The following ZNF385D variants were observed in gnomAD, a reference collection of about 807,000 sequenced individuals.
The protein encoded by ZNF385D is zinc finger protein 385D.
Under a neutral mutation model 35.8 loss-of-function variants are expected in ZNF385D, and 15 were observed. The ratio of observed to expected loss-of-function variants is 0.42; its 90% CI spans 0.28 to 0.64. The LOEUF (loss-of-function observed/expected upper bound fraction) is 0.64. ZNF385D is among the 30% of genes least tolerant of loss of function. The probability of loss-of-function intolerance (pLI) is 0.23; values close to 1 mark genes in which losing one functional copy is unlikely to be tolerated. For synonymous variants in ZNF385D, 212 were observed against 186.8 expected (o/e 1.13, Z -1.10); for missense variants, 474 against 494.6 (o/e 0.96, Z 0.39).
At chr3:22,179,964 C>CA (rs1277179804) in intron 2 of ZNF385D, among the ~76,000 whole-genome samples, 1 of 152,004 alleles carries the variant, frequency 6.6e-6, no homozygotes, top group African/African-American at 2.4e-5. Context: ...AACAGAGACA[C>CA]AAAAAACCCT....
At chr3:22,253,292 T>C (rs1700153992) in intron 2 of ZNF385D, among the ~76,000 whole-genome samples, 1 of 151,840 alleles carries the variant, frequency 6.6e-6, no homozygotes, top group African/African-American at 2.4e-5. Context: ...TAAGGTATTG[T>C]AAAAACTAAG....
At chr3:21,555,355 ATCCC>A (rs2062697857) in intron 3 of ZNF385D, among the ~76,000 whole-genome samples, 1 of 151,796 alleles carries the variant, frequency 6.6e-6, no homozygotes, top group Non-Finnish European at 1.5e-5. Flanking sequence ...TCCTAATGCT[ATCCC>A]TCCCCTAGCC....
chr3:22,245,619 A>G (rs902592463), intron 2 of ZNF385D, among the ~76,000 whole-genome samples: 1 of 152,032 alleles, frequency 6.6e-6, no homozygotes, highest in Non-Finnish European at 1.5e-5. Flanking sequence ...TGTGTTTCAG[A>G]TTTGACAGCT....
At chr3:22,233,077 A>AT (rs562777696) in intron 2 of ZNF385D, among the ~76,000 whole-genome samples, 50 of 151,748 alleles carry the variant, frequency 3.3e-4, no homozygotes, top group Admixed American at 3.9e-4. Flanking sequence ...TTTTACTATA[A>AT]TTTTTTTTGT....
rs758880447 is a variant in ZNF385D, at chr3:22,192,272, A to G, written c.107-23237T>C. ...TCATTTGCAAGCTGAGATGTCTGCA[A>G]TGAGTTGCCAATAGCCTTTGTTTCC... On this transcript the variant is annotated intron_variant, in intron 2 of 5. Coordinates refer to the ZNF385D transcript ENST00000494108. Among the ~76,000 whole-genome samples, 5 of 152,258 alleles carry G rather than the reference A, an allele frequency of 3.3e-5. No individual in the cohort carries two copies. The South Asian group carries it at 1.0e-3, about 32-fold the overall frequency.
At chr3:21,513,359 T>G (rs578166926) in intron 3 of ZNF385D, among the ~76,000 whole-genome samples, 2 of 152,238 alleles carry the variant, frequency 1.3e-5, no homozygotes, top group African/African-American at 4.8e-5. Context: ...TGACCAGAAG[T>G]TGATAGGCTC....
chr3:21,752,993 T>C (rs2070175080), upstream of ZNF385D, among the ~76,000 whole-genome samples: 1 of 152,106 alleles, frequency 6.6e-6, no homozygotes, highest in Admixed American at 6.6e-5. Context: ...TTGGGTCCAT[T>C]TGAGTTCCTG....
chr3:21,913,187 T>C (rs1700046724), intron 3 of ZNF385D, among the ~76,000 whole-genome samples: 1 of 152,058 alleles, frequency 6.6e-6, no homozygotes, highest in Non-Finnish European at 1.5e-5. Flanking sequence ...TTGAGGTCAC[T>C]AGGTGTGGGT....
intron 3 of ZNF385D, among the ~76,000 whole-genome samples, chr3:22,091,942 T>G (rs182128465): frequency 6.6e-6 from 1 of 152,260 alleles, no homozygotes; most frequent in East Asian, 1.9e-4. Flanking sequence ...ATATAGCTAG[T>G]AATGGATACA....
chr3:22,244,878 A>G (rs980031785), intron 2 of ZNF385D, among the ~76,000 whole-genome samples: 3 of 151,616 alleles, frequency 2.0e-5, no homozygotes, highest in Non-Finnish European at 4.4e-5. Context: ...AGTCAAATAA[A>G]CAGAACATCA....
At chr3:21,654,574 C>T (rs62237411) in intron 2 of ZNF385D, among the ~76,000 whole-genome samples, 17,358 of 151,978 alleles carry the variant, frequency 0.11, 1,085 homozygotes, top group East Asian at 0.15. Context: ...CCTAAACATA[C>T]AACAAACAGA....
chr3:22,127,220 T>C (rs1325500417), intron 3 of ZNF385D, among the ~76,000 whole-genome samples: 2 of 151,936 alleles, frequency 1.3e-5, no homozygotes, highest in Non-Finnish European at 2.9e-5. Flanking sequence ...TGTTATTTCT[T>C]TTCTGGTTGT....
At chr3:21,484,402 C>G (rs943810615) in intron 4 of ZNF385D, among the ~76,000 whole-genome samples, 3 of 152,172 alleles carry the variant, frequency 2.0e-5, no homozygotes, top group African/African-American at 7.2e-5. Context: ...ACTGCACAAG[C>G]TGGGCATCTT....
chr3:21,697,991 G>A (rs1373586431), intron 1 of ZNF385D, among the ~76,000 whole-genome samples: 2 of 152,122 alleles, frequency 1.3e-5, no homozygotes, highest in African/African-American at 2.4e-5. Flanking sequence ...AACATACACT[G>A]TTGGTGGGAA....
At chr3:21,759,249 A>C (rs910616039) in intron 3 of ZNF385D, among the ~76,000 whole-genome samples, 4 of 152,124 alleles carry the variant, frequency 2.6e-5, no homozygotes, top group African/African-American at 9.7e-5. Flanking sequence ...GTGGAACTTA[A>C]GCCCTGTCTT....
chr3:21,998,223 A>T (rs1036489257), intron 3 of ZNF385D, among the ~76,000 whole-genome samples: 5 of 152,132 alleles, frequency 3.3e-5, no homozygotes, highest in African/African-American at 1.2e-4. Flanking sequence ...GTATAAATGT[A>T]GCCAGGCAGC....
chr3:22,102,907 ACC>A (rs765727127), intron 3 of ZNF385D, among the ~76,000 whole-genome samples: 24,258 of 146,824 alleles, frequency 0.17, 2,702 homozygotes, highest in African/African-American at 0.31. Flanking sequence ...AAAAAAAAAA[ACC>A]AACAAGTTCT....
At chr3:22,022,608 T>C (rs1038732917) in intron 3 of ZNF385D, among the ~76,000 whole-genome samples, 3 of 152,162 alleles carry the variant, frequency 2.0e-5, no homozygotes, top group Non-Finnish European at 4.4e-5. Context: ...TCCACTGTGA[T>C]AGCATATTCC....
At chr3:21,798,626 A>G (rs2072260544) in intron 3 of ZNF385D, among the ~76,000 whole-genome samples, 1 of 152,126 alleles carries the variant, frequency 6.6e-6, no homozygotes, top group Non-Finnish European at 1.5e-5. Flanking sequence ...CCTTATTTAT[A>G]TCTGTAAAAT....
Sources: allele counts gnomAD v4.1 joint callset (sites outside exome capture counted in the v4.1 genomes callset), GRCh38; gene constraint gnomAD v4.1.1; transcripts MANE v1.5; gene names NCBI Gene and HGNC (gene_info 2026-07-23, HGNC 2026-07-21).